RALGAPA1: variants seen among roughly 807,000 people sequenced by gnomAD.
RALGAPA1 encodes the protein ral GTPase-activating protein subunit alpha-1.
A neutral mutation model predicts 269.6 loss-of-function variants in RALGAPA1; 52 were observed. The ratio of observed to expected loss-of-function variants is 0.19; its 90% CI spans 0.15 to 0.24. The LOEUF is 0.24. Among genes scored for constraint, RALGAPA1 ranks in the 10% least tolerant of loss-of-function variants. RALGAPA1 has a pLI of 1.00. For synonymous variants in RALGAPA1, 817 were observed against 1,008.3 expected, an observed-to-expected ratio of 0.81 and a Z score of 3.60; for missense variants, 1,917 against 3,013.9, an observed-to-expected ratio of 0.64 and a Z score of 8.52.
intron 22 of RALGAPA1, 153 bp downstream of exon 22, chr14:35,677,797 A>G (rs1457680156): frequency 1.6e-5 from 11 of 678,120 alleles, no homozygotes; most frequent in Non-Finnish European, 2.4e-5. Context: ...AAGAACAAGA[A>G]AAAAGTTACA....
At chr14:35,546,032 T>C (rs2054422914) in intron 41 of RALGAPA1, among the ~76,000 whole-genome samples, 1 of 152,140 alleles carries the variant, frequency 6.6e-6, no homozygotes, top group South Asian at 2.1e-4. Flanking sequence ...AAAAATCTAA[T>C]AATATTTTAA....
At chr14:35,652,737 C>T (rs1159301215) in intron 30 of RALGAPA1, among the ~76,000 whole-genome samples, 2 of 151,900 alleles carry the variant, frequency 1.3e-5, no homozygotes, top group African/African-American at 4.8e-5. Flanking sequence ...ATATATTATA[C>T]ACTGAATATT....
intron 26 of RALGAPA1, among the ~76,000 whole-genome samples, chr14:35,669,578 C>G (rs754043330): frequency 1.3e-5 from 2 of 151,960 alleles, no homozygotes; most frequent in Non-Finnish European, 2.9e-5. Context: ...GATGAAGAAA[C>G]TGAGACACAG....
chr14:35,671,527 A>C lies in RALGAPA1; in HGVS notation c.5074-10T>G, dbSNP rs2064434302. 4 of 1,463,488 alleles carry C rather than the reference A, an allele frequency of 2.7e-6. No homozygotes were observed. Among genetic ancestry groups the C allele is most frequent in the Non-Finnish European group, 2.9e-6 (3 of 1,048,206 alleles). 90.7% of individuals were successfully genotyped at this position (1,463,488 alleles called of 1,614,324 possible). On this transcript the variant is annotated splice_polypyrimidine_tract_variant and intron_variant, in intron 25 of 41. Coordinates refer to ENST00000680220, the MANE Select transcript of RALGAPA1 (RefSeq NM_001346249.2). ...TTGTATTGACAATATCCTTAGAATA[A>C]GGAAAGAAGGAAAAAAGAATATCAC...
chr14:35,686,781 C>A (rs1567003299), intron 18 of RALGAPA1, 115 bp from the exon 19 acceptor site: 4 of 492,350 alleles, frequency 8.1e-6, no homozygotes, highest in Non-Finnish European at 1.4e-5. Flanking sequence ...GCCAAACATG[C>A]ATTTATGAAT....
intron 35 of RALGAPA1, among the ~76,000 whole-genome samples, chr14:35,620,260 C>T (rs2060527594): frequency 1.3e-5 from 2 of 152,008 alleles, no homozygotes; most frequent in Non-Finnish European, 2.9e-5. Context: ...TGACAAAAAC[C>T]ACATGATTAT....
intron 31 of RALGAPA1, among the ~76,000 whole-genome samples, chr14:35,644,802 A>C (rs1465280789): frequency 6.6e-6 from 1 of 152,148 alleles, no homozygotes; most frequent in African/African-American, 2.4e-5. Context: ...CAGGACAAAC[A>C]GCTAATGCAT....
intron 12 of RALGAPA1, among the ~76,000 whole-genome samples, chr14:35,731,338 C>A (rs1278571339): frequency 6.6e-6 from 1 of 152,094 alleles, no homozygotes; most frequent in Non-Finnish European, 1.5e-5. Context: ...TTTAACACCC[C>A]CAAGAATCAC....
chr14:35,627,859 C>A lies in RALGAPA1; in HGVS notation c.6088G>T (p.Gly2030Cys). ...TGACTTGTTAGCATAGCAGGACCAC[C>A]GCTCATTGGATAATGGCCCAGGTGA... ...VNHLGHYPMS[G>C]GPAMLTSQVC... Residue 2030 changes from glycine (G) to cysteine (C), a missense_variant, in exon 34 of 42, where the codon GGT becomes TGT. This residue lies in a region of RALGAPA1 where 346 missense variants were observed against 566.1 expected (regional missense o/e 0.61). Transcript: ENST00000680220. 1 of 1,585,328 alleles carries A rather than the reference C, an allele frequency of 6.3e-7. No homozygotes were observed. The highest frequency in any genetic ancestry group is 1.1e-5 in the South Asian group (1 of 88,128).
At chr14:35,631,384 T>A (rs1001261234) in intron 33 of RALGAPA1, among the ~76,000 whole-genome samples, 3 of 152,132 alleles carry the variant, frequency 2.0e-5, no homozygotes, top group African/African-American at 7.2e-5. Flanking sequence ...CAAAAAAGTA[T>A]TACTTAGGAT....
chr14:35,674,764 C>G, intron 22 of RALGAPA1, 55 bp from the exon 23 acceptor site: 3 of 812,602 alleles, frequency 3.7e-6, no homozygotes, highest in Non-Finnish European at 5.7e-6. Context: ...AACATAAAAC[C>G]CCCCAAGAAA....
intron 37 of RALGAPA1, among the ~76,000 whole-genome samples, chr14:35,577,279 C>G (rs977351697): frequency 6.6e-6 from 1 of 151,998 alleles, no homozygotes; most frequent in Non-Finnish European, 1.5e-5. Context: ...CATCCACCCC[C>G]CAAATTCATA....
chr14:35,613,665 A>T (rs1280848795), intron 35 of RALGAPA1, among the ~76,000 whole-genome samples: 3 of 152,082 alleles, frequency 2.0e-5, no homozygotes, highest in Admixed American at 1.3e-4. Flanking sequence ...CCATCTCTAC[A>T]TACCCATCTT....
At chr14:35,718,252 C>G (rs543344321) in intron 16 of RALGAPA1, among the ~76,000 whole-genome samples, 1 of 152,312 alleles carries the variant, frequency 6.6e-6, no homozygotes, top group South Asian at 2.1e-4. Flanking sequence ...TTGTTCACAA[C>G]TATATCCTTA....
chr14:35,790,812 ATATTAAACTTTT>A (rs2076112243), intron 1 of RALGAPA1, among the ~76,000 whole-genome samples: 1 of 152,194 alleles, frequency 6.6e-6, no homozygotes, highest in African/African-American at 2.4e-5. Flanking sequence ...GTACATTTTC[ATATTAAACTTTT>A]TGTTAAACTT....
chr14:35,586,039 G>T (rs1357004442), intron 37 of RALGAPA1, among the ~76,000 whole-genome samples: 2 of 152,094 alleles, frequency 1.3e-5, no homozygotes, highest in African/African-American at 2.4e-5. Flanking sequence ...AAATTACCTT[G>T]GGCAGTATGG....
At chr14:35,587,558 T>C (rs889036281) in intron 37 of RALGAPA1, among the ~76,000 whole-genome samples, 1 of 152,220 alleles carries the variant, frequency 6.6e-6, no homozygotes, top group South Asian at 2.1e-4. Context: ...GATGAGTTCA[T>C]GTCCTTTGCA....
intron 4 of RALGAPA1, chr14:35,766,045 G>A (rs1184661192): frequency 7.3e-7 from 1 of 1,362,572 alleles, no homozygotes; most frequent in Non-Finnish European, 1.0e-6. Context: ...ATAACTGGAG[G>A]AAGCTCAGGT....
At chr14:35,677,482 C>T (rs1484759537) in intron 22 of RALGAPA1, 1 of 154,182 alleles carries the variant, frequency 6.5e-6, no homozygotes, top group Non-Finnish European at 1.4e-5. Flanking sequence ...TTCATTTGGA[C>T]CTCTACTTTT....
Sources: gnomAD v4.1 joint callset for allele counts (sites outside exome capture counted in the v4.1 genomes callset) on GRCh38, gnomAD v4.1.1 for gene constraint, gnomAD v4.1.1 regional missense constraint, MANE v1.5 for transcripts, NCBI Gene and HGNC (gene_info 2026-07-23, HGNC 2026-07-21) for gene names.